The following GLG1 variants were observed in gnomAD, a reference collection of about 807,000 sequenced individuals.
The protein encoded by GLG1 is Golgi apparatus protein 1.
GLG1 carries 38 observed loss-of-function variants against 160.5 expected under a neutral mutation model. The ratio of observed to expected loss-of-function variants is 0.24; its 90% confidence interval spans 0.18 to 0.31. The LOEUF is 0.31. Ranked by LOEUF, GLG1 falls within the 10% of genes least tolerant of loss-of-function variation. The pLI, the probability that GLG1 is intolerant of heterozygous loss-of-function variation, is 1.00. For missense variants in GLG1, 1,373 were observed against 1,505.2 expected (o/e 0.91, Z 1.45); for synonymous variants, 644 against 543.4 (o/e 1.19, Z -2.57).
intron 1 of GLG1, among the ~76,000 whole-genome samples, chr16:74,592,673 G>T (rs368874700): frequency 6.6e-6 from 1 of 152,284 alleles, no homozygotes; most frequent in East Asian, 1.9e-4. Context: ...TGGTAAGTGA[G>T]CTAGGGTTTG....
chr16:74,491,321 C>T (rs866200442), intron 7 of GLG1, 106 bp from the exon 8 acceptor site: 127 of 811,804 alleles, frequency 1.6e-4, no homozygotes, highest in Middle Eastern at 1.0e-3. Flanking sequence ...ATACAATATA[C>T]CTATCAGACA....
chr16:74,574,661 T>C (rs2018933834), intron 1 of GLG1, among the ~76,000 whole-genome samples: 1 of 150,722 alleles, frequency 6.6e-6, no homozygotes, highest in Non-Finnish European at 1.5e-5. Context: ...GGAGGGAGGA[T>C]CATTTGAGGC....
chr16:74,580,748 C>G (rs575060323), intron 1 of GLG1, among the ~76,000 whole-genome samples: 1 of 152,070 alleles, frequency 6.6e-6, no homozygotes, highest in South Asian at 2.1e-4. Context: ...AAAATATTTG[C>G]AGGTCATCTA....
At chr16:74,515,754 A>C (rs1005224001) in intron 2 of GLG1, among the ~76,000 whole-genome samples, 1 of 151,746 alleles carries the variant, frequency 6.6e-6, no homozygotes, top group African/African-American at 2.4e-5. Context: ...ACAGATTGGC[A>C]AACTGGATAA....
intron 1 of GLG1, among the ~76,000 whole-genome samples, chr16:74,585,012 A>T (rs1311213433): frequency 6.6e-6 from 1 of 152,172 alleles, no homozygotes; most frequent in Non-Finnish European, 1.5e-5. Flanking sequence ...CTAAAGAAAG[A>T]ACTTATTCAT....
chr16:74,605,779 T>G (rs2067270888), intron 1 of GLG1, among the ~76,000 whole-genome samples: 1 of 152,204 alleles, frequency 6.6e-6, no homozygotes, highest in African/African-American at 2.4e-5. Context: ...GGTAGCTTCA[T>G]TCTATTTGTC....
At chr16:74,473,150 A>AGCT (rs2015266809) in intron 13 of GLG1, among the ~76,000 whole-genome samples, 1 of 152,202 alleles carries the variant, frequency 6.6e-6, no homozygotes, top group South Asian at 2.1e-4. Context: ...TAACATGTTT[A>AGCT]GCTGCCCTCC....
At chr16:74,600,334 A>G (rs1286015252) in intron 1 of GLG1, among the ~76,000 whole-genome samples, 1 of 151,870 alleles carries the variant, frequency 6.6e-6, no homozygotes, top group East Asian at 1.9e-4. Context: ...TTGAGGTTGC[A>G]GTGAGCCATG....
chr16:74,522,330 C>A (rs1017206609), intron 2 of GLG1, among the ~76,000 whole-genome samples: 3 of 152,234 alleles, frequency 2.0e-5, no homozygotes, highest in African/African-American at 2.4e-5. Flanking sequence ...TTAGCTAATA[C>A]TGCCAAGCCA....
chr16:74,451,844 T>A lies in GLG1; in HGVS notation c.*1323A>T. 1.9e-6 allele frequency: 1 copy of A among 520,708 alleles called. No individual in the cohort carries two copies. The highest frequency in any genetic ancestry group is 2.3e-5 in the South Asian group (1 of 43,290). The allele number at this position is 520,708 out of a possible 1,614,324, so 32.3% of individuals were successfully genotyped here. A position where few individuals can be genotyped will look rare whatever the true frequency, so the allele number is the denominator to read the frequency against. ...GAGGCGGGATGGCCAAGAATATTGC[T>A]TCTATAAAGCCCATATTCTGCAAAG... On this transcript the variant is annotated 3_prime_UTR_variant, in exon 26 of 26. Transcript: ENST00000422840.
At position 74,491,225 on chromosome 16, in the gene GLG1, G is replaced by A. The variant is rs1343623604; in HGVS notation, c.1235-10C>T. On this transcript the variant is annotated splice_polypyrimidine_tract_variant and intron_variant, in intron 7 of 25. Transcript: ENST00000422840. ...CTGCTGACTTGTCGCCCTAAGTTAGGATGTAAGTCATAACATTACGAAGGG... is the reference window on the plus strand; with the variant it reads ...CTGCTGACTTGTCGCCCTAAGTTAGAATGTAAGTCATAACATTACGAAGGG... 1 of 1,594,916 alleles carries A rather than the reference G, an allele frequency of 6.3e-7. No individual in the cohort carries two copies. Among genetic ancestry groups the A allele is most frequent in the South Asian group, 1.1e-5 (1 of 90,694 alleles).
chr16:74,540,997 T>C (rs1321653101), intron 1 of GLG1, among the ~76,000 whole-genome samples: 9 of 152,170 alleles, frequency 5.9e-5, no homozygotes, highest in Admixed American at 5.2e-4. Context: ...ACTGTGAGGT[T>C]GTAACTACCA....
At chr16:74,588,439 C>CT (rs941248892) in intron 1 of GLG1, among the ~76,000 whole-genome samples, 70 of 151,180 alleles carry the variant, frequency 4.6e-4, no homozygotes, top group African/African-American at 1.3e-3. Flanking sequence ...TTCTTTCTTT[C>CT]TTTTTTTTTG....
At chr16:74,563,826 G>A (rs1461632703) in intron 1 of GLG1, among the ~76,000 whole-genome samples, 1 of 152,070 alleles carries the variant, frequency 6.6e-6, no homozygotes, top group African/African-American at 2.4e-5. Context: ...TTACAAAACA[G>A]ACTTCTTTAA....
chr16:74,534,577 T>G (rs1174907552), intron 1 of GLG1, among the ~76,000 whole-genome samples: 1 of 152,040 alleles, frequency 6.6e-6, no homozygotes, highest in Non-Finnish European at 1.5e-5. Context: ...TGTATTGTCA[T>G]GTTTAGAGTC....
At chr16:74,470,476 C>T (rs1444544954) in intron 15 of GLG1, among the ~76,000 whole-genome samples, 1 of 134,652 alleles carries the variant, frequency 7.4e-6, no homozygotes, top group Non-Finnish European at 1.5e-5. Context: ...TTGACAGAGC[C>T]TCTCTCTTGT....
Position 74,576,250 on chromosome 16 carries a change from T to G in GLG1, c.438+30407A>C, listed in dbSNP as rs190972544. Among the ~76,000 whole-genome samples the G allele has an allele frequency of 1.4e-3, 210 of 152,114 alleles. 1 individual carries two copies. The highest frequency in any genetic ancestry group is 3.1e-3 in the Admixed American group (48 of 15,250). On this transcript the variant is annotated intron_variant, in intron 1 of 25. Transcript: ENST00000422840. ...AGTCTGTGGTGTCATACATACACAT[T>G]TGGCCCTGGTTAATAAAACTCCACA...
intron 4 of GLG1, 44 bp downstream of exon 4, chr16:74,503,487 A>C: frequency 7.6e-7 from 1 of 1,323,746 alleles, no homozygotes; most frequent in Non-Finnish European, 1.1e-6. Flanking sequence ...TTCATACACC[A>C]AATTTTAAGA....
chr16:74,583,716 C>T (rs566921002), intron 1 of GLG1, among the ~76,000 whole-genome samples: 144 of 152,232 alleles, frequency 9.5e-4, no homozygotes, highest in East Asian at 3.7e-3. Context: ...TAAATTCTAT[C>T]ATTCCTTCAG....
Sources: allele counts gnomAD v4.1 joint callset (sites outside exome capture counted in the v4.1 genomes callset), GRCh38; gene constraint gnomAD v4.1.1; transcripts MANE v1.5; gene names NCBI Gene and HGNC (gene_info 2026-07-23, HGNC 2026-07-21).